The following ARL15 variants were observed in gnomAD, a reference collection of about 807,000 sequenced individuals.
The protein encoded by ARL15 is ADP-ribosylation factor-like protein 15.
A neutral mutation model predicts 25.2 loss-of-function variants in ARL15; 19 were observed. That is an observed-to-expected ratio of 0.75 (90% CI 0.53 to 1.10). The LOEUF is 1.10. Ranked by LOEUF, ARL15 falls within the 50% of genes least tolerant of loss-of-function variation. The pLI, the probability that ARL15 is intolerant of heterozygous loss-of-function variation, is 0.00. For missense variants in ARL15, 220 were observed against 246.0 expected (o/e 0.89, Z 0.71); for synonymous variants, 94 against 86.8 (o/e 1.08, Z -0.46).
chr5:54,197,873 G>A (rs1370398400), intron 1 of ARL15, among the ~76,000 whole-genome samples: 2 of 152,150 alleles, frequency 1.3e-5, no homozygotes, highest in East Asian at 1.9e-4. Context: ...TATCCTTGAT[G>A]AACATTGATG....
Position 53,975,732 on chromosome 5 carries a change from G to A in ARL15, c.463-89019C>T, listed in dbSNP as rs925489126. Among the ~76,000 whole-genome samples the A allele has an allele frequency of 2.0e-5, 3 of 152,206 alleles. No homozygotes were observed. In the South Asian group the frequency reaches 6.2e-4, roughly 32 times the overall value. ...ATGATTCTTCTGGGGAAGGACCAAA[G>A]CCAGTTGAGACACAACCATCCACAA... On this transcript the variant is annotated intron_variant, in intron 4 of 4. Coordinates refer to ENST00000504924, the MANE Select transcript of ARL15 (RefSeq NM_019087.3).
chr5:54,254,808 T>G (rs1441540448), intron 1 of ARL15, among the ~76,000 whole-genome samples: 2 of 152,222 alleles, frequency 1.3e-5, no homozygotes, highest in Non-Finnish European at 2.9e-5. Context: ...CACAAAATTG[T>G]TTACCTAAAG....
chr5:54,043,954 C>T (rs1305370107), intron 4 of ARL15, among the ~76,000 whole-genome samples: 5 of 151,934 alleles, frequency 3.3e-5, no homozygotes, highest in African/African-American at 1.2e-4. Context: ...CAGTCTGAGG[C>T]TGCAGTGAGC....
At chr5:54,194,474 T>C (rs1454205374) in intron 1 of ARL15, among the ~76,000 whole-genome samples, 1 of 151,998 alleles carries the variant, frequency 6.6e-6, no homozygotes, top group Non-Finnish European at 1.5e-5. Context: ...AAAACATTTT[T>C]GAATCAAGCT....
At chr5:54,226,086 G>A (rs563363452) in intron 1 of ARL15, among the ~76,000 whole-genome samples, 6 of 152,156 alleles carry the variant, frequency 3.9e-5, no homozygotes, top group South Asian at 4.2e-4. Context: ...ATATAGACAC[G>A]GGGGGAGTGG....
intron 4 of ARL15, among the ~76,000 whole-genome samples, chr5:53,972,994 T>C (rs540329889): frequency 1.3e-4 from 20 of 152,248 alleles, no homozygotes; most frequent in African/African-American, 4.6e-4. Flanking sequence ...TTTTACTCTA[T>C]CATATCCAGC....
chr5:54,210,543 T>C (rs1262684377), intron 1 of ARL15, among the ~76,000 whole-genome samples: 2 of 152,206 alleles, frequency 1.3e-5, no homozygotes, highest in Admixed American at 6.5e-5. Flanking sequence ...AATTCACCCA[T>C]AACATTCTAT....
intron 4 of ARL15, among the ~76,000 whole-genome samples, chr5:53,971,916 G>T (rs1747765977): frequency 6.6e-6 from 1 of 152,180 alleles, no homozygotes; most frequent in Non-Finnish European, 1.5e-5. Context: ...AAGCCTAAAA[G>T]ATGGATTAGG....
intron 4 of ARL15, among the ~76,000 whole-genome samples, chr5:53,937,137 G>A (rs993578806): frequency 1.3e-5 from 2 of 152,132 alleles, no homozygotes; most frequent in Non-Finnish European, 2.9e-5. Context: ...CGTCCCCGGA[G>A]GCTCGGTGTC....
intron 1 of ARL15, among the ~76,000 whole-genome samples, chr5:54,212,840 G>A (rs1294686426): frequency 6.6e-6 from 1 of 152,148 alleles, no homozygotes; most frequent in African/African-American, 2.4e-5. Flanking sequence ...TAATGGGGGG[G>A]AGATGCAGAG....
intron 1 of ARL15, among the ~76,000 whole-genome samples, chr5:54,276,713 A>G (rs1282435992): frequency 1.3e-5 from 2 of 152,210 alleles, no homozygotes; most frequent in Non-Finnish European, 2.9e-5. Flanking sequence ...CTTCTGGATT[A>G]TTCATGTAGG....
At chr5:54,033,020 A>G (rs570285814) in intron 4 of ARL15, among the ~76,000 whole-genome samples, 1 of 151,518 alleles carries the variant, frequency 6.6e-6, no homozygotes, top group South Asian at 2.1e-4. Flanking sequence ...CTACAGCTAT[A>G]TAAGGTTAAA....
chr5:54,285,244 G>T, intron 1 of ARL15: 1 of 445,748 alleles, frequency 2.2e-6, no homozygotes, highest in Non-Finnish European at 3.0e-6. Context: ...TCAAAAACAA[G>T]ACAGATTGGT....
intron 4 of ARL15, among the ~76,000 whole-genome samples, chr5:54,033,257 G>A (rs1378718913): frequency 6.6e-6 from 1 of 151,968 alleles, no homozygotes; most frequent in Non-Finnish European, 1.5e-5. Flanking sequence ...AAGTTGCAGT[G>A]AGCTGAGATC....
chr5:53,950,630 T>A (rs1746913279), intron 4 of ARL15, among the ~76,000 whole-genome samples: 1 of 152,162 alleles, frequency 6.6e-6, no homozygotes, highest in Non-Finnish European at 1.5e-5. Context: ...ATTACTACTT[T>A]TATACACACA....
chr5:53,997,118 T>A (rs1748706658), intron 4 of ARL15, among the ~76,000 whole-genome samples: 1 of 152,228 alleles, frequency 6.6e-6, no homozygotes, highest in Admixed American at 6.5e-5. Flanking sequence ...ATTCGTTTGC[T>A]GAACCTTGGA....
intron 1 of ARL15, among the ~76,000 whole-genome samples, chr5:54,224,220 G>A (rs912601357): frequency 2.0e-5 from 3 of 152,140 alleles, no homozygotes; most frequent in Admixed American, 6.5e-5. Flanking sequence ...CAGTGGGAAC[G>A]CATTGTGGTG....
chr5:54,190,640 A>G (rs910153736), intron 1 of ARL15, among the ~76,000 whole-genome samples: 1 of 152,184 alleles, frequency 6.6e-6, no homozygotes, highest in Non-Finnish European at 1.5e-5. Flanking sequence ...AGCATTGGAT[A>G]AAGGTATTAA....
chr5:54,147,804 C>T (rs1222263784), intron 3 of ARL15, among the ~76,000 whole-genome samples: 1 of 152,220 alleles, frequency 6.6e-6, no homozygotes, highest in Non-Finnish European at 1.5e-5. Context: ...CCACAATAAC[C>T]TCTGCAAGTC....
Sources: allele counts gnomAD v4.1 joint callset (sites outside exome capture counted in the v4.1 genomes callset), GRCh38; gene constraint gnomAD v4.1.1; transcripts MANE v1.5; gene names NCBI Gene and HGNC (gene_info 2026-07-23, HGNC 2026-07-21).